The following ZNF599 variants were observed in gnomAD, a reference collection of about 807,000 sequenced individuals.
ZNF599 encodes the protein zinc finger protein 599.
In ZNF599, 10 loss-of-function variants were observed where a neutral mutation model predicts 11.7. That is an observed-to-expected ratio of 0.86 (90% confidence interval 0.53 to 1.45). ZNF599 has a LOEUF of 1.45. Among genes scored for constraint, ZNF599 ranks in the 40% most tolerant of loss-of-function variants. ZNF599 has a pLI of 0.00. For missense variants in ZNF599, 688 were observed against 713.6 expected (o/e 0.96, Z 0.41); for synonymous variants, 232 against 253.2 (o/e 0.92, Z 0.79).
chr19:34,777,329 A>T (rs1319956195), upstream of ZNF599, among the ~76,000 whole-genome samples: 1 of 47,880 alleles, frequency 2.1e-5, no homozygotes, highest in Non-Finnish European at 3.8e-5. Flanking sequence ...TATATTATAT[A>T]TTATATATTA....
the ZNF599 span, among the ~76,000 whole-genome samples, chr19:34,794,072 G>A: frequency 6.6e-6 from 1 of 152,172 alleles, no homozygotes; most frequent in Non-Finnish European, 1.5e-5. Context: ...TCATGTGGAT[G>A]GCAGCAGGCA....
the ZNF599 span, among the ~76,000 whole-genome samples, chr19:34,800,586 G>GTTTTTTTTTTTTTTTTTTTTTTTTTTT: frequency 8.9e-6 from 1 of 112,978 alleles, no homozygotes; most frequent in Non-Finnish European, 1.7e-5. Flanking sequence ...CATTTCCTTT[G>GTTTTTTTTTTTTTTTTTTTTTTTTTTT]TTTTTTTTTT....
the ZNF599 span, among the ~76,000 whole-genome samples, chr19:34,798,805 C>T: frequency 6.6e-6 from 1 of 152,160 alleles, no homozygotes; most frequent in Non-Finnish European, 1.5e-5. Context: ...AATTTGCATA[C>T]ATTAAGGTTC....
At chr19:34,800,530 C>T in the ZNF599 span, among the ~76,000 whole-genome samples, 2 of 151,456 alleles carry the variant, frequency 1.3e-5, no homozygotes, top group Non-Finnish European at 2.9e-5. Context: ...TACTGATGAG[C>T]CCTTCGAAGG....
the ZNF599 span, among the ~76,000 whole-genome samples, chr19:34,804,147 C>T: frequency 2.0e-5 from 3 of 152,210 alleles, no homozygotes; most frequent in African/African-American, 7.2e-5. Context: ...AGATACCTCC[C>T]CGCAAACTGC....
the ZNF599 span, among the ~76,000 whole-genome samples, chr19:34,797,340 T>C: frequency 7.9e-5 from 12 of 152,300 alleles, no homozygotes; most frequent in Non-Finnish European, 7.3e-5. Context: ...GTAGTGGGAT[T>C]GCTGGGTCAA....
the ZNF599 span, among the ~76,000 whole-genome samples, chr19:34,798,196 T>C: frequency 6.6e-6 from 1 of 152,340 alleles, no homozygotes; most frequent in East Asian, 1.9e-4. Context: ...CATCTTTTAT[T>C]CCATAGCAAT....
upstream of ZNF599, among the ~76,000 whole-genome samples, chr19:34,774,545 G>C (rs1568496289): frequency 6.6e-6 from 1 of 152,188 alleles, no homozygotes; most frequent in East Asian, 1.9e-4. Flanking sequence ...AATCACTTCT[G>C]CCTATATTCC....
the ZNF599 span, among the ~76,000 whole-genome samples, chr19:34,805,956 T>C: frequency 1.3e-5 from 2 of 152,192 alleles, no homozygotes; most frequent in Admixed American, 6.5e-5. Flanking sequence ...AACTATTATA[T>C]ATACTACCTC....
intron 2 of ZNF599, 128 bp downstream of exon 2, chr19:34,769,301 C>T (rs1051137846): frequency 1.5e-5 from 19 of 1,297,946 alleles, no homozygotes; most frequent in Non-Finnish European, 2.1e-5. Context: ...GGAGGTCAGA[C>T]CACAACGTGC....
chr19:34,804,593 G>C, the ZNF599 span, among the ~76,000 whole-genome samples: 1 of 152,202 alleles, frequency 6.6e-6, no homozygotes, highest in African/African-American at 2.4e-5. Flanking sequence ...TGACTCCCTA[G>C]AGTTCCAGAC....
chr19:34,795,651 C>T, the ZNF599 span, among the ~76,000 whole-genome samples: 1 of 152,252 alleles, frequency 6.6e-6, no homozygotes, highest in East Asian at 1.9e-4. Flanking sequence ...GTATGACTTA[C>T]TACCACACAT....
chr19:34,771,092 C>G (rs1003598731), intron 1 of ZNF599, among the ~76,000 whole-genome samples: 2 of 152,078 alleles, frequency 1.3e-5, no homozygotes, highest in Non-Finnish European at 2.9e-5. Context: ...CTGGGCAACA[C>G]AGTGAGCCCA....
intron 3 of ZNF599, among the ~76,000 whole-genome samples, chr19:34,761,050 C>G (rs537001933): frequency 5.9e-5 from 9 of 151,964 alleles, no homozygotes; most frequent in Non-Finnish European, 1.0e-4. Flanking sequence ...AGGGAAACTT[C>G]GGCAGATGAA....
chr19:34,792,250 ATTAAC>A, the ZNF599 span, among the ~76,000 whole-genome samples: 1 of 152,174 alleles, frequency 6.6e-6, no homozygotes, highest in African/African-American at 2.4e-5. Flanking sequence ...CTATTTTCTA[ATTAAC>A]TTAAGTCAGT....
chr19:34,788,037 A>G, the ZNF599 span, among the ~76,000 whole-genome samples: 15 of 152,208 alleles, frequency 9.9e-5, no homozygotes, highest in African/African-American at 3.4e-4. Flanking sequence ...ACAATACAGC[A>G]TCACAACTAT....
chr19:34,787,236 TCATCATCATC>T, the ZNF599 span, among the ~76,000 whole-genome samples: 2 of 151,642 alleles, frequency 1.3e-5, no homozygotes, highest in Admixed American at 6.6e-5. Context: ...ATCATCATCA[TCATCATCATC>T]ATCATCATCA....
the ZNF599 span, among the ~76,000 whole-genome samples, chr19:34,796,588 G>A: frequency 1.3e-5 from 2 of 152,290 alleles, no homozygotes; most frequent in East Asian, 3.9e-4. Context: ...TGAAATTACA[G>A]GTGTGAGCCA....
At chr19:34,781,788 C>T in the ZNF599 span, among the ~76,000 whole-genome samples, 1 of 152,170 alleles carries the variant, frequency 6.6e-6, no homozygotes, top group Non-Finnish European at 1.5e-5. Flanking sequence ...AATGCAATTG[C>T]ACCTGAGTTG....
Sources: gnomAD v4.1 joint callset for allele counts (sites outside exome capture counted in the v4.1 genomes callset) on GRCh38, gnomAD v4.1.1 for gene constraint, MANE v1.5 for transcripts, NCBI Gene and HGNC (gene_info 2026-07-23, HGNC 2026-07-21) for gene names.